PLCXD1: variants seen among roughly 807,000 people sequenced by gnomAD.
PLCXD1 encodes the protein PI-PLC X domain-containing protein 1.
In PLCXD1, 45 loss-of-function variants were observed where a neutral mutation model predicts 37.8. The ratio of observed to expected loss-of-function variants is 1.19; its 90% CI spans 0.94 to 1.53. The LOEUF (loss-of-function observed/expected upper bound fraction) is 1.53. Among genes scored for constraint, PLCXD1 ranks in the 40% most tolerant of loss-of-function variants. PLCXD1 has a pLI of 0.00. For missense variants in PLCXD1, 539 were observed against 454.7 expected (o/e 1.19, Z -1.69); for synonymous variants, 246 against 206.9 (o/e 1.19, Z -1.62).
chrX:293,236 G>A lies in PLCXD1; in HGVS notation c.733+18G>A, dbSNP rs766851268. 63 of 1,599,414 alleles carry A rather than the reference G, an allele frequency of 3.9e-5. No individual in the cohort carries two copies. The highest frequency in any genetic ancestry group is 2.2e-4 in the Middle Eastern group (1 of 4,518). ...CCGCCCAGGTACCAGGTCGCCCCTC[G>A]TGGGGGTAGATTCCACACAGCCTCC... On this transcript the variant is annotated intron_variant, in intron 6 of 6. Coordinates refer to ENST00000381657, the MANE Select transcript of PLCXD1 (RefSeq NM_018390.4).
In PLCXD1 at chrX:299,521, A is replaced by T. The variant is rs2069933365; in HGVS notation, c.*186A>T. ...TCGCCTGTCTTCCCAGCACTTTGGG[A>T]GGCCGAGGTGGGTGGATCATGAGGT... On this transcript the variant is annotated 3_prime_UTR_variant, in exon 7 of 7. Coordinates refer to ENST00000381657, the MANE Select transcript of PLCXD1 (RefSeq NM_018390.4). The T allele has an allele frequency of 1.6e-6, 1 of 614,662 alleles. No individual in the cohort carries two copies. The highest frequency in any genetic ancestry group is 1.8e-5 in the African/African-American group (1 of 54,354). 38.1% of individuals were successfully genotyped at this position (614,662 alleles called of 1,614,324 possible).
At chrX:293,003 C>A (rs750176695) in intron 5 of PLCXD1, 32 bp from the exon 6 acceptor site, 1 of 1,552,980 alleles carries the variant, frequency 6.4e-7, no homozygotes, top group East Asian at 2.3e-5. Flanking sequence ...TCTCCTCTCT[C>A]CCCTGCACCC....
At chrX:289,306 C>G (rs1408187717) in intron 3 of PLCXD1, among the ~76,000 whole-genome samples, 4 of 152,016 alleles carry the variant, frequency 2.6e-5, no homozygotes, top group Non-Finnish European at 5.9e-5. Context: ...TCAGGATGGT[C>G]TTGATCTCCT....
chrX:285,358 A>G (rs1258191013), intron 2 of PLCXD1, among the ~76,000 whole-genome samples: 1 of 148,682 alleles, frequency 6.7e-6, no homozygotes, highest in East Asian at 1.9e-4. Context: ...GTACACATGT[A>G]CACACATGCA....
At chrX:280,093 C>T, upstream of PLCXD1, among the ~76,000 whole-genome samples, 1 of 152,348 alleles carries the variant, frequency 6.6e-6, no homozygotes, top group African/African-American at 2.4e-5. Flanking sequence ...AGGTGATCCG[C>T]CCGCCTCGGC....
chrX:284,022 C>T, intron 1 of PLCXD1, 145 bp from the exon 2 acceptor site: 1 of 646,550 alleles, frequency 1.5e-6, no homozygotes, highest in Non-Finnish European at 2.8e-6. Context: ...GCTGGGATGA[C>T]AGGTGCCACA....
At chrX:294,711 G>A (rs1027620284) in intron 6 of PLCXD1, among the ~76,000 whole-genome samples, 2 of 152,134 alleles carry the variant, frequency 1.3e-5, no homozygotes, top group Admixed American at 1.3e-4. Context: ...GGCTGAGGCA[G>A]GGGAATCACT....
chrX:291,675 C>G, intron 5 of PLCXD1, 21 bp downstream of exon 5: 1 of 1,611,074 alleles, frequency 6.2e-7, no homozygotes, highest in Non-Finnish European at 8.5e-7. Context: ...GAAGGATATC[C>G]GCACGTCTCT....
intron 2 of PLCXD1, among the ~76,000 whole-genome samples, chrX:287,249 T>C (rs867829176): frequency 2.1e-5 from 3 of 146,338 alleles, no homozygotes; most frequent in Admixed American, 6.9e-5. Context: ...AATATATAAA[T>C]AAGTAAATGT....
chrX:282,176 G>T (rs2069293155), intron 1 of PLCXD1, among the ~76,000 whole-genome samples: 1 of 152,076 alleles, frequency 6.6e-6, no homozygotes, highest in African/African-American at 2.4e-5. Context: ...AAATCAATTA[G>T]ATCTAATGAT....
At chrX:284,047 C>T (rs769318737) in intron 1 of PLCXD1, 120 bp from the exon 2 acceptor site, 7 of 762,814 alleles carry the variant, frequency 9.2e-6, no homozygotes, top group African/African-American at 3.4e-5. Flanking sequence ...CCCACCACCA[C>T]GCCCAGCTAA....
chrX:285,281 TACAC>T (rs921739914), intron 2 of PLCXD1, among the ~76,000 whole-genome samples: 33 of 152,152 alleles, frequency 2.2e-4, no homozygotes, highest in African/African-American at 5.5e-4. Flanking sequence ...CATAGGCTCA[TACAC>T]ACATGGATGC....
chrX:298,736 CCTGT>C (rs1372375172), intron 6 of PLCXD1, among the ~76,000 whole-genome samples: 7 of 20,668 alleles, frequency 3.4e-4, no homozygotes, highest in Admixed American at 4.8e-4. Flanking sequence ...GGGCCATTAT[CCTGT>C]CTATCACATG....
chrX:296,073 A>G lies in PLCXD1; in HGVS notation c.733+2855A>G, dbSNP rs1216751948. Among the ~76,000 whole-genome samples the G allele has an allele frequency of 2.6e-5, 4 of 151,750 alleles. No homozygotes were observed. The East Asian group carries it at 5.8e-4, about 22-fold the overall frequency. ...GTGATCTGCCCGCCTTGGCCTCCCA[A>G]AGTGGTGGGATTACAGGCTTGAGCC... On this transcript the variant is annotated intron_variant, in intron 6 of 6. Coordinates refer to ENST00000381657, the MANE Select transcript of PLCXD1 (RefSeq NM_018390.4).
intron 2 of PLCXD1, among the ~76,000 whole-genome samples, chrX:285,332 A>C (rs1447615844): frequency 4.1e-5 from 6 of 147,276 alleles, no homozygotes; most frequent in Non-Finnish European, 8.8e-5. Context: ...GTGTGTACAC[A>C]TGCACATGCA....
At position 290,802 on chromosome X, in the gene PLCXD1, A is replaced by G. The variant is rs181052612; in HGVS notation, c.393+26A>G. On this transcript the variant is annotated intron_variant, in intron 4 of 6. Transcript: ENST00000381657. ...GTGCGGCCGGGCTGAGGTGGGACGC[A>G]ATGGGGAGAGTGGGAGGCGGCCGGG... The G allele has an allele frequency of 2.5e-3, 4,030 of 1,595,854 alleles. 110 individuals carry two copies. In the African/African-American group the frequency reaches 0.053, roughly 21 times the overall value.
At chrX:283,059 A>T (rs2069326501) in intron 1 of PLCXD1, 1 of 64,522 alleles carries the variant, frequency 1.5e-5, no homozygotes, top group Admixed American at 1.6e-4. Flanking sequence ...ATATTCTGTT[A>T]TGTGTGTATG....
rs1269726410 is a variant in PLCXD1 at position 303,245 on chromosome X, G to A, written c.*3910G>A. ...GCCCCGCGGAGATGAAGAATTTGCA[G>A]GGAGCCTCCCTGACTTCCGTCGGCT... On this transcript the variant is annotated 3_prime_UTR_variant, in exon 7 of 7. Coordinates refer to ENST00000381657, the MANE Select transcript of PLCXD1 (RefSeq NM_018390.4). The A allele has an allele frequency of 1.3e-5, 2 of 152,180 alleles. No individual in the cohort carries two copies. The highest frequency in any genetic ancestry group is 4.8e-5 in the African/African-American group (2 of 41,444). The allele number at this position is 152,180 out of a possible 1,614,324, so 9.4% of individuals were successfully genotyped here. A position where few individuals can be genotyped will look rare whatever the true frequency, so the allele number is the denominator to read the frequency against.
intron 2 of PLCXD1, 48 bp from the exon 3 acceptor site, chrX:288,685 C>G: frequency 6.2e-7 from 1 of 1,606,356 alleles, no homozygotes; most frequent in Non-Finnish European, 8.5e-7. Flanking sequence ...CAGCAGGTGG[C>G]GGGGACGGAC....
Sources: gnomAD v4.1 joint callset for allele counts (sites outside exome capture counted in the v4.1 genomes callset) on GRCh38, gnomAD v4.1.1 for gene constraint, MANE v1.5 for transcripts, NCBI Gene and HGNC (gene_info 2026-07-23, HGNC 2026-07-21) for gene names.